PTPRM: variants seen among roughly 807,000 people sequenced by gnomAD.
The protein encoded by PTPRM is receptor-type tyrosine-protein phosphatase mu.
PTPRM carries 47 observed loss-of-function variants against 186.7 expected under a neutral mutation model. That is an observed-to-expected ratio of 0.25 (90% CI 0.20 to 0.32). PTPRM has a LOEUF of 0.32. Ranked by LOEUF, PTPRM falls within the 10% of genes least tolerant of loss-of-function variation. PTPRM has a pLI of 1.00. For missense variants in PTPRM, 1,494 were observed against 1,865.0 expected (o/e 0.80, Z 3.66); for synonymous variants, 668 against 674.9 (o/e 0.99, Z 0.16).
chr18:8,320,081 C>T (rs966226448), intron 22 of PTPRM, among the ~76,000 whole-genome samples: 1 of 152,170 alleles, frequency 6.6e-6, no homozygotes, highest in Non-Finnish European at 1.5e-5. Flanking sequence ...GAAGACCCAG[C>T]TAAGGCTGAA....
intron 2 of PTPRM, among the ~76,000 whole-genome samples, chr18:7,825,950 C>G (rs751751526): frequency 2.6e-5 from 4 of 152,112 alleles, no homozygotes; most frequent in Non-Finnish European, 5.9e-5. Flanking sequence ...TCATTTAATC[C>G]TCACCATATT....
In PTPRM at chr18:7,644,738, A is replaced by G. The variant is rs372389634; in HGVS notation, c.73+76847A>G. On this transcript the variant is annotated intron_variant, in intron 1 of 32. Coordinates refer to ENST00000580170, the MANE Select transcript of PTPRM (RefSeq NM_001105244.2). ...AGGAAATCTAAGTAGGAAATCAGAC[A>G]AAGTATAAATGGTTGAGGTTTATGC... 2.0e-5 allele frequency among the ~76,000 whole-genome samples: 3 copies of G among 152,288 alleles called. No individual in the cohort carries two copies. The South Asian group carries it at 6.2e-4, about 32-fold the overall frequency.
chr18:8,063,318 G>A (rs982243866), intron 7 of PTPRM, among the ~76,000 whole-genome samples: 1 of 149,350 alleles, frequency 6.7e-6, no homozygotes, highest in Non-Finnish European at 1.5e-5. Context: ...GCTTCGGCTT[G>A]CGCACACCCA....
chr18:8,361,253 A>C (rs1004022360), intron 23 of PTPRM, among the ~76,000 whole-genome samples: 3 of 152,190 alleles, frequency 2.0e-5, no homozygotes, highest in African/African-American at 7.2e-5. Flanking sequence ...TTTAGCCCTG[A>C]TTAATGCCTC....
intron 14 of PTPRM, among the ~76,000 whole-genome samples, chr18:8,207,798 TG>T (rs2093950796): frequency 1.3e-5 from 2 of 152,134 alleles, no homozygotes; most frequent in Non-Finnish European, 2.9e-5. Context: ...ATAGGTAGAG[TG>T]GAGTCCCAAA....
intron 2 of PTPRM, among the ~76,000 whole-genome samples, chr18:7,795,166 G>A (rs888493474): frequency 1.3e-5 from 2 of 152,118 alleles, no homozygotes; most frequent in East Asian, 3.9e-4. Flanking sequence ...GTTCTCCATC[G>A]AGTGCCTCTG....
intron 1 of PTPRM, among the ~76,000 whole-genome samples, chr18:7,657,823 G>C (rs938878858): frequency 1.3e-5 from 2 of 152,186 alleles, no homozygotes; most frequent in Non-Finnish European, 2.9e-5. Flanking sequence ...CTTTCCCAGG[G>C]AACAATGAGG....
intron 1 of PTPRM, among the ~76,000 whole-genome samples, chr18:7,588,489 TA>T (rs1221716352): frequency 1.3e-5 from 2 of 152,330 alleles, no homozygotes; most frequent in African/African-American, 4.8e-5. Context: ...CGAATCTAAC[TA>T]AATCTCATTT....
intron 13 of PTPRM, among the ~76,000 whole-genome samples, chr18:8,130,182 C>G (rs1311702853): frequency 6.6e-6 from 1 of 152,166 alleles, no homozygotes; most frequent in African/African-American, 2.4e-5. Flanking sequence ...GATTATTTCT[C>G]AAGTCATGGC....
intron 1 of PTPRM, among the ~76,000 whole-genome samples, chr18:7,732,395 G>C (rs1241568581): frequency 1.3e-5 from 2 of 152,206 alleles, no homozygotes; most frequent in Non-Finnish European, 2.9e-5. Flanking sequence ...CTTCAAGGAA[G>C]ACTGGAATAT....
At chr18:8,107,818 A>T (rs1333132833) in intron 11 of PTPRM, among the ~76,000 whole-genome samples, 1 of 152,250 alleles carries the variant, frequency 6.6e-6, no homozygotes, top group East Asian at 1.9e-4. Context: ...TTTATCATTG[A>T]TAATTTAATC....
chr18:7,905,046 T>C (rs2049905645), intron 3 of PTPRM, among the ~76,000 whole-genome samples: 1 of 152,104 alleles, frequency 6.6e-6, no homozygotes. Flanking sequence ...CAGGCTGGAG[T>C]GCAATGGCAC....
intron 31 of PTPRM, among the ~76,000 whole-genome samples, chr18:8,391,868 C>G (rs1568895987): frequency 6.6e-6 from 1 of 152,182 alleles, no homozygotes; most frequent in Non-Finnish European, 1.5e-5. Flanking sequence ...TGAAAGTATA[C>G]TTTAAGTATC....
chr18:8,369,146 A>G (rs2095649415), intron 23 of PTPRM, among the ~76,000 whole-genome samples: 1 of 152,248 alleles, frequency 6.6e-6, no homozygotes, highest in South Asian at 2.1e-4. Context: ...TTTGGGGAAC[A>G]GGGCAAACAC....
chr18:7,655,905 G>T (rs1206316421), intron 1 of PTPRM, among the ~76,000 whole-genome samples: 1 of 152,106 alleles, frequency 6.6e-6, no homozygotes, highest in African/African-American at 2.4e-5. Context: ...ACAAGGAAAA[G>T]AAATGAAAAA....
At chr18:7,904,172 C>A (rs1192239112) in intron 3 of PTPRM, among the ~76,000 whole-genome samples, 2 of 152,160 alleles carry the variant, frequency 1.3e-5, no homozygotes, top group Non-Finnish European at 2.9e-5. Context: ...TGTAGAGTCA[C>A]ATGCAGTAGT....
At chr18:7,707,601 T>A (rs2040122433) in intron 1 of PTPRM, among the ~76,000 whole-genome samples, 1 of 152,146 alleles carries the variant, frequency 6.6e-6, no homozygotes, top group Non-Finnish European at 1.5e-5. Flanking sequence ...ATCATGCAAC[T>A]GTACTCTAGG....
intron 1 of PTPRM, among the ~76,000 whole-genome samples, chr18:7,571,001 C>T (rs1052137895): frequency 4.6e-5 from 7 of 150,688 alleles, no homozygotes; most frequent in Admixed American, 2.0e-4. Context: ...TACAGTGGCA[C>T]GATCTTGGCT....
At chr18:7,803,922 G>A (rs914565054) in intron 2 of PTPRM, among the ~76,000 whole-genome samples, 26 of 152,300 alleles carry the variant, frequency 1.7e-4, no homozygotes, top group African/African-American at 6.0e-4. Flanking sequence ...GTCTGTATGT[G>A]TAGGCAGAAG....
Sources: allele counts gnomAD v4.1 joint callset (sites outside exome capture counted in the v4.1 genomes callset), GRCh38; gene constraint gnomAD v4.1.1; transcripts MANE v1.5; gene names NCBI Gene and HGNC (gene_info 2026-07-23, HGNC 2026-07-21).